Variants in CLCN3 observed in about 807,000 individuals in gnomAD.
CLCN3 encodes Cl-/H+ antiporter 3.
In CLCN3, 16 loss-of-function variants were observed where a neutral mutation model predicts 83.4. The observed-to-expected ratio is 0.19, with a 90% CI of 0.13 to 0.29. CLCN3 has a LOEUF of 0.29. CLCN3 is among the 10% of genes least tolerant of loss of function. CLCN3 has a pLI of 1.00. For synonymous variants in CLCN3, 322 were observed against 346.2 expected, an observed-to-expected ratio of 0.93 and a Z score of 0.78; for missense variants, 544 against 1,006.0, an observed-to-expected ratio of 0.54 and a Z score of 6.21.
Position 169,620,633 on chromosome 4 carries a change from C to G in CLCN3, c.-447C>G. 2.5e-6 allele frequency: 1 copy of G among 397,712 alleles called. No homozygotes were observed. Among genetic ancestry groups the G allele is most frequent in the East Asian group, 3.6e-5 (1 of 28,086 alleles). 24.6% of individuals were successfully genotyped at this position (397,712 alleles called of 1,614,324 possible). ...CGGTCCGGAACCTGCAGCCCCTTTC[C>G]CAGTGTTCTAGTTCGCCCGTGACCC... On this transcript the variant is annotated 5_prime_UTR_variant, in exon 1 of 13. Coordinates refer to ENST00000513761, the MANE Select transcript of CLCN3 (RefSeq NM_001829.4).
At chr4:169,690,803 ACAT>A in intron 6 of CLCN3, 151 bp downstream of exon 6, 1 of 588,116 alleles carries the variant, frequency 1.7e-6, no homozygotes, top group Non-Finnish European at 2.8e-6. Context: ...CTGATGGTAG[ACAT>A]CATTGAAAAA....
chr4:169,659,938 C>A, intron 2 of CLCN3: 1 of 562,766 alleles, frequency 1.8e-6, no homozygotes, highest in Non-Finnish European at 2.3e-6. Context: ...TTTTACATCT[C>A]TGTATTACTT....
chr4:169,647,559 C>G (rs1368764797), intron 2 of CLCN3, among the ~76,000 whole-genome samples: 2 of 152,044 alleles, frequency 1.3e-5, no homozygotes, highest in Non-Finnish European at 2.9e-5. Context: ...GGGGGCACAT[C>G]AGAGGAACAC....
At chr4:169,627,325 C>G (rs1213413355) in intron 1 of CLCN3, among the ~76,000 whole-genome samples, 1 of 152,096 alleles carries the variant, frequency 6.6e-6, no homozygotes, top group Non-Finnish European at 1.5e-5. Context: ...TATCCTAATT[C>G]TTCAATATTT....
intron 2 of CLCN3, among the ~76,000 whole-genome samples, chr4:169,668,248 C>T (rs1352185982): frequency 1.3e-5 from 2 of 151,814 alleles, no homozygotes; most frequent in African/African-American, 2.4e-5. Flanking sequence ...CTCCTGGGCT[C>T]AGATGATATA....
At position 169,620,986 on chromosome 4, in the gene CLCN3, C is replaced by T. The variant is rs1446364481; in HGVS notation, c.-94C>T. 3 of 398,190 alleles carry T rather than the reference C, an allele frequency of 7.5e-6. No individual in the cohort carries two copies. Among genetic ancestry groups the T allele is most frequent in the Non-Finnish European group, 8.8e-6 (2 of 226,056 alleles). 24.7% of individuals were successfully genotyped at this position (398,190 alleles called of 1,614,324 possible). A position where few individuals can be genotyped will look rare whatever the true frequency, so the allele number is the denominator to read the frequency against. On this transcript the variant is annotated 5_prime_UTR_variant, in exon 1 of 13. Transcript: ENST00000513761. ...GTGGAGCTCCGAGGGTAGCTAGGTT[C>T]TAGGTTTGAAACAGATGCAGAATCC...
intron 2 of CLCN3, among the ~76,000 whole-genome samples, chr4:169,661,321 C>T (rs1050472330): frequency 1.3e-5 from 2 of 152,110 alleles, no homozygotes; most frequent in Admixed American, 6.5e-5. Context: ...GTTTGAATTA[C>T]TGCATGATAT....
chr4:169,660,962 C>A (rs1040396330), intron 2 of CLCN3, among the ~76,000 whole-genome samples: 1 of 152,138 alleles, frequency 6.6e-6, no homozygotes, highest in Admixed American at 6.6e-5. Flanking sequence ...TGAATAATTT[C>A]TATATTAATA....
chr4:169,686,736 A>G (rs549370439), intron 3 of CLCN3, among the ~76,000 whole-genome samples: 6 of 152,330 alleles, frequency 3.9e-5, no homozygotes, highest in Non-Finnish European at 7.4e-5. Context: ...TTTCTAAAGC[A>G]ACAGTCCTAG....
chr4:169,711,000 T>G (rs1733191119), intron 11 of CLCN3, among the ~76,000 whole-genome samples: 1 of 152,190 alleles, frequency 6.6e-6, no homozygotes, highest in Non-Finnish European at 1.5e-5. Flanking sequence ...CCTGCTGTAG[T>G]TATTTTTAAT....
intron 2 of CLCN3, chr4:169,660,458 TC>T: frequency 3.8e-6 from 5 of 1,319,322 alleles, no homozygotes; most frequent in Non-Finnish European, 4.8e-6. Context: ...GGTAATACTA[TC>T]CCCTTGCTGT....
chr4:169,687,502 C>A (rs1288050245), intron 3 of CLCN3, among the ~76,000 whole-genome samples, 156 bp from the exon 4 acceptor site: 1 of 152,150 alleles, frequency 6.6e-6, no homozygotes, highest in Non-Finnish European at 1.5e-5. Context: ...TAACAACTGT[C>A]TGTAATGTAG....
In CLCN3 at chr4:169,662,352, A is replaced by G. The variant is rs138187450; in HGVS notation, c.161-17698A>G. Among the ~76,000 whole-genome samples, 183 of 152,280 alleles carry G rather than the reference A, an allele frequency of 1.2e-3. 1 individual carries two copies. Among genetic ancestry groups the G allele is most frequent in the Non-Finnish European group, 1.2e-3 (82 of 67,992 alleles). ...TATGTGTAGTAGAGATAAGTCAGTTATTAGGCTTTCGTGACTGTACTGTAT... is the reference window on the plus strand; with the variant it reads ...TATGTGTAGTAGAGATAAGTCAGTTGTTAGGCTTTCGTGACTGTACTGTAT... On this transcript the variant is annotated intron_variant, in intron 2 of 12. Transcript: ENST00000513761.
intron 2 of CLCN3, among the ~76,000 whole-genome samples, chr4:169,672,053 TA>T (rs1262166147): frequency 3.7e-4 from 55 of 150,580 alleles, no homozygotes; most frequent in African/African-American, 1.2e-3. Context: ...CTACTAAAAA[TA>T]AAAAAAAATT....
chr4:169,622,186 A>G (rs1454620595), intron 1 of CLCN3, among the ~76,000 whole-genome samples: 1 of 152,232 alleles, frequency 6.6e-6, no homozygotes, highest in Middle Eastern at 3.2e-3. Context: ...AATGTATAGT[A>G]CCTACATTTT....
chr4:169,650,927 C>T (rs1436645849), intron 2 of CLCN3, among the ~76,000 whole-genome samples: 1 of 152,108 alleles, frequency 6.6e-6, no homozygotes, highest in Non-Finnish European at 1.5e-5. Flanking sequence ...GGAAGACAAA[C>T]TCATACTAGG....
chr4:169,620,940 C>T lies in CLCN3; in HGVS notation c.-140C>T, dbSNP rs1773095953. 2.5e-6 allele frequency: 1 copy of T among 398,302 alleles called. No homozygotes were observed. 24.7% of individuals were successfully genotyped at this position (398,302 alleles called of 1,614,324 possible). Reference sequence around the variant, plus strand: ...GTATCTTTTAAATCGCGATAGTTTTCGCTGTGTCAGGCTTTCTTCGGTGGA... The same window carrying T: ...GTATCTTTTAAATCGCGATAGTTTTTGCTGTGTCAGGCTTTCTTCGGTGGA... On this transcript the variant is annotated 5_prime_UTR_variant, in exon 1 of 13. Transcript: ENST00000513761.
At chr4:169,699,377 G>A (rs182928508) in intron 9 of CLCN3, among the ~76,000 whole-genome samples, 17 of 152,226 alleles carry the variant, frequency 1.1e-4, no homozygotes, top group African/African-American at 3.9e-4. Flanking sequence ...GATATATATG[G>A]GGAAGCACAT....
chr4:169,702,781 A>G, intron 9 of CLCN3: 1 of 105,362 alleles, frequency 9.5e-6, no homozygotes. Context: ...TCTCTACAAA[A>G]AAAAAAAAAA....
Sources: allele counts gnomAD v4.1 joint callset (sites outside exome capture counted in the v4.1 genomes callset), GRCh38; gene constraint gnomAD v4.1.1; transcripts MANE v1.5; gene names NCBI Gene and HGNC (gene_info 2026-07-23, HGNC 2026-07-21).